DLGAP2: variants seen among roughly 807,000 people sequenced by gnomAD.
DLGAP2 encodes DLG associated protein 2, also known as disks large-associated protein 2.
A neutral mutation model predicts 100.3 loss-of-function variants in DLGAP2; 26 were observed. The observed-to-expected ratio is 0.26, with a 90% CI of 0.19 to 0.36. The LOEUF (loss-of-function observed/expected upper bound fraction) is 0.36. DLGAP2 is among the 10% of genes least tolerant of loss of function. The probability of loss-of-function intolerance (pLI) is 1.00; values close to 1 mark genes in which losing one functional copy is unlikely to be tolerated. For missense variants in DLGAP2, 1,858 were observed against 1,453.2 expected, an observed-to-expected ratio of 1.28 and a Z score of -4.53; for synonymous variants, 886 against 630.1, an observed-to-expected ratio of 1.41 and a Z score of -6.08.
At chr8:781,413 C>T (rs1006546535) in intron 1 of DLGAP2, among the ~76,000 whole-genome samples, 3 of 151,588 alleles carry the variant, frequency 2.0e-5, no homozygotes, top group African/African-American at 7.3e-5. Context: ...GATAAGACCT[C>T]AGGGATTTTT....
intron 2 of DLGAP2, among the ~76,000 whole-genome samples, chr8:1,025,557 G>GAT (rs1328717014): frequency 6.6e-6 from 1 of 152,156 alleles, no homozygotes; most frequent in African/African-American, 2.4e-5. Flanking sequence ...TTAAGTGATC[G>GAT]ATATGGCGGA....
At chr8:1,445,449 A>G (rs532939175) in intron 3 of DLGAP2, among the ~76,000 whole-genome samples, 50 of 151,800 alleles carry the variant, frequency 3.3e-4, no homozygotes, top group African/African-American at 1.2e-3. Flanking sequence ...ATAGTATTCC[A>G]TGGTGTATAT....
chr8:966,240 C>T (rs1215100940), intron 2 of DLGAP2, among the ~76,000 whole-genome samples: 1 of 152,158 alleles, frequency 6.6e-6, no homozygotes, highest in East Asian at 1.9e-4. Flanking sequence ...AGCGTTTTCC[C>T]AGGAAGTGTT....
chr8:1,156,187 T>G (rs547657041), intron 2 of DLGAP2, among the ~76,000 whole-genome samples: 1 of 152,262 alleles, frequency 6.6e-6, no homozygotes, highest in African/African-American at 2.4e-5. Flanking sequence ...GCTGCAGCTC[T>G]CAGACCCTCC....
intron 2 of DLGAP2, among the ~76,000 whole-genome samples, chr8:1,005,086 C>A (rs952430030): frequency 1.3e-5 from 2 of 152,188 alleles, no homozygotes; most frequent in African/African-American, 4.8e-5. Context: ...TTGTGTCTTC[C>A]TGTGGATGGA....
At chr8:1,697,374 G>A in intron 14 of DLGAP2, 75 bp downstream of exon 14, 1 of 1,503,648 alleles carries the variant, frequency 6.7e-7, no homozygotes, top group Non-Finnish European at 8.9e-7. Flanking sequence ...TGCAGATAGA[G>A]CATGACAACG....
intron 3 of DLGAP2, among the ~76,000 whole-genome samples, chr8:1,407,773 C>G (rs1796610801): frequency 6.7e-6 from 1 of 149,068 alleles, no homozygotes; most frequent in African/African-American, 2.5e-5. Flanking sequence ...TGAGTGCTTA[C>G]TGAGCGCCAC....
At chr8:856,495 A>G (rs1797281100) in intron 1 of DLGAP2, among the ~76,000 whole-genome samples, 1 of 152,132 alleles carries the variant, frequency 6.6e-6, no homozygotes, top group South Asian at 2.1e-4. Flanking sequence ...GCAGTGGAAA[A>G]ATCTTCTGAA....
chr8:1,200,695 G>T (rs1040274885), intron 2 of DLGAP2, among the ~76,000 whole-genome samples: 3 of 151,568 alleles, frequency 2.0e-5, no homozygotes, highest in African/African-American at 7.3e-5. Context: ...GACCTTCAAA[G>T]GTTGGATCTT....
At chr8:893,428 T>C (rs1481392197) in intron 1 of DLGAP2, among the ~76,000 whole-genome samples, 1 of 152,218 alleles carries the variant, frequency 6.6e-6, no homozygotes, top group Non-Finnish European at 1.5e-5. Context: ...TTTCTCACAT[T>C]GCAAATCCAT....
intron 2 of DLGAP2, among the ~76,000 whole-genome samples, chr8:1,197,682 TATAA>T (rs1797781597): frequency 1.6e-5 from 1 of 63,308 alleles, no homozygotes; most frequent in Admixed American, 1.6e-4. Flanking sequence ...CAGCTGTCCA[TATAA>T]ACCTGAGCCA....
intron 2 of DLGAP2, among the ~76,000 whole-genome samples, chr8:1,218,197 C>T (rs987404674): frequency 7.2e-5 from 11 of 152,186 alleles, no homozygotes; most frequent in African/African-American, 2.7e-4. Context: ...TCTAGGTTCT[C>T]TTCCAGATTT....
chr8:1,124,497 C>A (rs1388251844), intron 2 of DLGAP2, among the ~76,000 whole-genome samples: 2 of 152,160 alleles, frequency 1.3e-5, no homozygotes, highest in Non-Finnish European at 1.5e-5. Context: ...TCCTATGTTT[C>A]TATTTTTATT....
At chr8:1,518,831 G>A (rs190981794) in intron 4 of DLGAP2, among the ~76,000 whole-genome samples, 8 of 152,336 alleles carry the variant, frequency 5.3e-5, no homozygotes, top group Admixed American at 5.2e-4. Context: ...GGAAATGATT[G>A]TATGTGTGTG....
intron 1 of DLGAP2, among the ~76,000 whole-genome samples, chr8:769,671 C>T (rs955491777): frequency 1.3e-5 from 2 of 152,106 alleles, no homozygotes; most frequent in South Asian, 2.1e-4. Flanking sequence ...TGTGTTTGCA[C>T]ATCCTAGACG....
chr8:1,638,748 G>A (rs928723166), intron 8 of DLGAP2, among the ~76,000 whole-genome samples: 3 of 152,192 alleles, frequency 2.0e-5, no homozygotes, highest in African/African-American at 7.2e-5. Flanking sequence ...ATGCAGGCAG[G>A]GAGTCTCCAG....
intron 3 of DLGAP2, among the ~76,000 whole-genome samples, chr8:1,325,027 C>G (rs914717028): frequency 1.3e-5 from 2 of 152,214 alleles, no homozygotes; most frequent in African/African-American, 2.4e-5. Context: ...AGATCATTCT[C>G]TCAGTTTAGA....
chr8:1,258,391 C>T (rs1168642874), intron 2 of DLGAP2, among the ~76,000 whole-genome samples: 1 of 149,842 alleles, frequency 6.7e-6, no homozygotes, highest in Admixed American at 6.7e-5. Context: ...ACAATGAGAA[C>T]ACATGGACAT....
chr8:934,742 C>G (rs1039504503), intron 2 of DLGAP2, among the ~76,000 whole-genome samples: 7 of 152,112 alleles, frequency 4.6e-5, no homozygotes, highest in Non-Finnish European at 8.8e-5. Flanking sequence ...TGTGCCGGCT[C>G]TCGGGGAGAT....
Sources: gnomAD v4.1 joint callset for allele counts (sites outside exome capture counted in the v4.1 genomes callset) on GRCh38, gnomAD v4.1.1 for gene constraint, MANE v1.5 for transcripts, NCBI Gene and HGNC (gene_info 2026-07-23, HGNC 2026-07-21) for gene names.